The following ABCB5 variants were observed in gnomAD, a reference collection of about 807,000 sequenced individuals.
ABCB5 encodes the protein ATP binding cassette subfamily B member 5.
In ABCB5, 155 loss-of-function variants were observed where a neutral mutation model predicts 144.2. The ratio of observed to expected loss-of-function variants is 1.08; its 90% CI spans 0.94 to 1.23. The LOEUF is 1.23. Ranked by LOEUF, ABCB5 falls within the 50% of genes most tolerant of loss-of-function variation. The pLI is 0.00. For synonymous variants in ABCB5, 610 were observed against 528.6 expected (o/e 1.15, Z -2.11); for missense variants, 1,830 against 1,520.8 (o/e 1.20, Z -3.38).
At chr7:20,618,759 A>ATTTTTT (rs1387081530) in intron 1 of ABCB5, among the ~76,000 whole-genome samples, 1 of 45,288 alleles carries the variant, frequency 2.2e-5, no homozygotes, top group Non-Finnish European at 4.8e-5. Context: ...TATGTGCTGC[A>ATTTTTT]TTTTCTTTTT....
intron 16 of ABCB5, among the ~76,000 whole-genome samples, chr7:20,693,201 A>G (rs1010981813): frequency 2.6e-5 from 4 of 151,694 alleles, no homozygotes; most frequent in African/African-American, 9.7e-5. Context: ...TGTTTCTACA[A>G]AAAAAAATAA....
At position 20,739,125 on chromosome 7, in the gene ABCB5, G is replaced by C. The variant is rs755189969; in HGVS notation, c.3010G>C (p.Glu1004Gln). Residue 1004 changes from glutamate to glutamine, a missense_variant, in exon 24 of 28, where the codon GAA becomes CAA. Glu to Gln is a conservative substitution (Grantham distance 29). Transcript: ENST00000404938. ...ACCAAATATAGACAGCCGCAGTCAA[G>C]AAGGGAAAAAGCCAGTAAGCACAAC... ...KKPNIDSRSQ[E>Q]GKKPDTCEGN... The C allele has an allele frequency of 6.9e-6, 11 of 1,603,140 alleles. No individual in the cohort carries two copies. The South Asian group carries it at 1.1e-4, about 16-fold the overall frequency.
chr7:20,689,281 A>G (rs1379899077), intron 16 of ABCB5, among the ~76,000 whole-genome samples: 2 of 152,166 alleles, frequency 1.3e-5, no homozygotes, highest in Non-Finnish European at 2.9e-5. Flanking sequence ...CTCAATGGAA[A>G]GGGCACAGCT....
At chr7:20,653,177 G>GT (rs1562540659) in intron 13 of ABCB5, among the ~76,000 whole-genome samples, 3 of 152,058 alleles carry the variant, frequency 2.0e-5, no homozygotes, top group Admixed American at 2.0e-4. Context: ...ATCATACCCT[G>GT]TAAGTTACTA....
rs1335450416 is a variant in ABCB5, at chr7:20,741,065, T to C, written c.3025-1812T>C. ...TTGCAGTGAGCCGAGATCACACCAC[T>C]GTACTCCAGCCTGGGTGACAGAGCG... is the stretch of plus-strand genomic sequence containing the variant. On this transcript the variant is annotated intron_variant, in intron 24 of 27. Transcript: ENST00000404938. Among the ~76,000 whole-genome samples the C allele has an allele frequency of 2.7e-5, 4 of 148,772 alleles. No individual in the cohort carries two copies. In the East Asian group the frequency reaches 5.9e-4, roughly 22 times the overall value.
intron 24 of ABCB5, among the ~76,000 whole-genome samples, chr7:20,741,724 T>C (rs796449057): frequency 3.3e-5 from 5 of 152,248 alleles, no homozygotes; most frequent in African/African-American, 1.2e-4. Flanking sequence ...GGGTCAAACA[T>C]GACTAGTAAA....
intron 13 of ABCB5, among the ~76,000 whole-genome samples, chr7:20,653,686 T>G (rs1303510886): frequency 6.6e-6 from 1 of 152,106 alleles, no homozygotes; most frequent in Admixed American, 6.6e-5. Flanking sequence ...CTTGGGCAGC[T>G]GGAAAGGTGA....
At chr7:20,640,058 A>G (rs1784260825) in intron 5 of ABCB5, among the ~76,000 whole-genome samples, 1 of 152,072 alleles carries the variant, frequency 6.6e-6, no homozygotes, top group African/African-American at 2.4e-5. Context: ...CAGTGTATTC[A>G]TCTTACATTT....
intron 14 of ABCB5, among the ~76,000 whole-genome samples, chr7:20,667,872 C>A (rs1353773672): frequency 6.7e-6 from 1 of 149,558 alleles, no homozygotes; most frequent in Non-Finnish European, 1.5e-5. Context: ...CAGGCGCACG[C>A]CGCCACGCCT....
intron 20 of ABCB5, among the ~76,000 whole-genome samples, chr7:20,717,880 ATTCTTTT>A (rs1781731075): frequency 1.4e-5 from 1 of 73,522 alleles, no homozygotes; most frequent in Non-Finnish European, 2.6e-5. Context: ...TTCTTGTAAC[ATTCTTTT>A]TTTTTTTTTT....
Position 20,704,748 on chromosome 7 carries a change from G to A in ABCB5, c.2362G>A (p.Glu788Lys), listed in dbSNP as rs201867298. 2 of 1,613,704 alleles carry A rather than the reference G, an allele frequency of 1.2e-6. No homozygotes were observed. Among genetic ancestry groups the A allele is most frequent in the East Asian group, 4.5e-5 (2 of 44,834 alleles). ...YQDIAWFDEK[E>K]NSTGGLTTIL... ...GGATATTGCCTGGTTTGATGAAAAG[G>A]AAAACAGCACAGGAGGCTTGACAAC... Residue 788 changes from glutamate to lysine, a missense_variant, in exon 20 of 28, where the codon GAA (glutamate) becomes AAA (lysine). Transcript: ENST00000404938.
At chr7:20,718,004 C>T (rs1781740187) in intron 20 of ABCB5, among the ~76,000 whole-genome samples, 1 of 142,126 alleles carries the variant, frequency 7.0e-6, no homozygotes. Flanking sequence ...CGAGTTAACG[C>T]CATTCTCCTG....
At chr7:20,634,420 A>G (rs55653237) in intron 5 of ABCB5, among the ~76,000 whole-genome samples, 51,438 of 151,820 alleles carry the variant, frequency 0.34, 8,837 homozygotes, top group African/African-American at 0.39. Context: ...ACTCAGTATT[A>G]ACACTGCCAA....
At chr7:20,733,356 T>C (rs1295366001) in intron 23 of ABCB5, among the ~76,000 whole-genome samples, 4 of 152,174 alleles carry the variant, frequency 2.6e-5, no homozygotes, top group Admixed American at 2.0e-4. Context: ...TGCTATTTTA[T>C]AGCCCTAAAA....
chr7:20,643,249 T>C lies in ABCB5; in HGVS notation c.380T>C (p.Leu127Ser), dbSNP rs548365815. The C allele has an allele frequency of 1.2e-6, 2 of 1,613,746 alleles. No individual in the cohort carries two copies. Among genetic ancestry groups the C allele is most frequent in the South Asian group, 2.2e-5 (2 of 91,030 alleles). ...ALIFGYIQIS[L>S]WIITAARQTK... ...ATTTTTGGTTACATACAGATTTCCT[T>C]GTGGATTATAACTGCAGCACGACAG... The change falls in exon 6 of 28, where the codon TTG (leucine) becomes TCG (serine). Residue 127 changes from leucine to serine, a missense_variant. Leu to Ser is a moderately radical substitution (Grantham distance 145). Coordinates refer to ENST00000404938, the MANE Select transcript of ABCB5 (RefSeq NM_001163941.2).
rs781041034 is a variant in ABCB5, at chr7:20,658,496, T to A, written c.1537-10T>A. 1.2e-6 allele frequency: 2 copies of A among 1,611,374 alleles called. No individual in the cohort carries two copies. The highest frequency in any genetic ancestry group is 2.2e-5 in the South Asian group (2 of 90,668). ...TTCTGTTTCTGTGCTTCTTTCCTAT[T>A]TTTCATTAGAAATTTAATACATTGG... is the stretch of plus-strand genomic sequence containing the variant. On this transcript the variant is annotated splice_polypyrimidine_tract_variant and intron_variant, in intron 13 of 27. Coordinates refer to ENST00000404938, the MANE Select transcript of ABCB5 (RefSeq NM_001163941.2).
At chr7:20,692,189 A>G (rs932382825) in intron 16 of ABCB5, among the ~76,000 whole-genome samples, 4 of 152,148 alleles carry the variant, frequency 2.6e-5, no homozygotes, top group African/African-American at 9.7e-5. Context: ...TAGGTATATC[A>G]TAATCAAACT....
rs571244839 is a variant in ABCB5 at position 20,735,647 on chromosome 7, C to A, written c.2868-3336C>A. Among the ~76,000 whole-genome samples the A allele has an allele frequency of 5.3e-5, 8 of 152,276 alleles. No homozygotes were observed. In the East Asian group the frequency reaches 1.4e-3, roughly 26 times the overall value. ...CTGAAGGGACCTAAAGAAGAGAAATCAAAGGACAGTTGATATCTAGGGCCT... is the reference window on the plus strand; with the variant it reads ...CTGAAGGGACCTAAAGAAGAGAAATAAAAGGACAGTTGATATCTAGGGCCT... On this transcript the variant is annotated intron_variant, in intron 23 of 27. Coordinates refer to ENST00000404938, the MANE Select transcript of ABCB5 (RefSeq NM_001163941.2).
chr7:20,631,408 G>A (rs1439753274), intron 4 of ABCB5, among the ~76,000 whole-genome samples: 1 of 152,092 alleles, frequency 6.6e-6, no homozygotes, highest in East Asian at 1.9e-4. Context: ...CATGATGTCT[G>A]CAGTTATTTC....
Sources: allele counts gnomAD v4.1 joint callset (sites outside exome capture counted in the v4.1 genomes callset), GRCh38; gene constraint gnomAD v4.1.1; transcripts MANE v1.5; gene names NCBI Gene and HGNC (gene_info 2026-07-23, HGNC 2026-07-21).